ZNF423: variants seen among roughly 807,000 people sequenced by gnomAD.
The protein encoded by ZNF423 is zinc finger protein 423, also known as Ebf-associated zinc finger protein.
A neutral mutation model predicts 95.8 loss-of-function variants in ZNF423; 12 were observed. The observed-to-expected ratio is 0.13, with a 90% CI of 0.08 to 0.20. ZNF423 has a LOEUF of 0.20. Among genes scored for constraint, ZNF423 ranks in the 10% least tolerant of loss-of-function variants. ZNF423 has a pLI of 1.00. For missense variants in ZNF423, 1,316 were observed against 1,737.1 expected (o/e 0.76, Z 4.31); for synonymous variants, 749 against 711.9 (o/e 1.05, Z -0.83).
intron 7 of ZNF423, among the ~76,000 whole-genome samples, chr16:49,493,953 A>G (rs540432275): frequency 6.6e-6 from 1 of 152,298 alleles, no homozygotes; most frequent in South Asian, 2.1e-4. Flanking sequence ...AAAACCAGAC[A>G]TGATATTCGA....
intron 2 of ZNF423, among the ~76,000 whole-genome samples, chr16:49,737,774 C>A (rs1013416742): frequency 6.6e-6 from 1 of 152,236 alleles, no homozygotes; most frequent in Non-Finnish European, 1.5e-5. Context: ...GCCACCAGGG[C>A]CTCACCCTCC....
chr16:49,715,694 A>G (rs1405249852), intron 3 of ZNF423, among the ~76,000 whole-genome samples: 1 of 146,282 alleles, frequency 6.8e-6, no homozygotes, highest in East Asian at 2.1e-4. Context: ...CCAGTGAGCA[A>G]CAATCGTGCC....
At chr16:49,782,229 C>G (rs1259483541) in intron 2 of ZNF423, among the ~76,000 whole-genome samples, 1 of 152,254 alleles carries the variant, frequency 6.6e-6, no homozygotes, top group African/African-American at 2.4e-5. Flanking sequence ...CACTTTCTCA[C>G]CGGCATGTCT....
chr16:49,529,387 C>A (rs1156309996), intron 5 of ZNF423, among the ~76,000 whole-genome samples: 1 of 152,158 alleles, frequency 6.6e-6, no homozygotes, highest in African/African-American at 2.4e-5. Context: ...CCCAAAGTCC[C>A]TGTCTCTCCT....
chr16:49,547,655 G>C (rs1331315677), intron 5 of ZNF423, among the ~76,000 whole-genome samples: 1 of 152,212 alleles, frequency 6.6e-6, no homozygotes, highest in Non-Finnish European at 1.5e-5. Flanking sequence ...TGAAGGCGGA[G>C]GGTGGCACGC....
chr16:49,534,392 T>C (rs1968981517), intron 5 of ZNF423, among the ~76,000 whole-genome samples: 4 of 152,190 alleles, frequency 2.6e-5, no homozygotes, highest in Admixed American at 2.6e-4. Context: ...TAGGTGGGAC[T>C]ACAGGCGCAC....
chr16:49,514,516 G>A lies in ZNF423; in HGVS notation c.3849+9108C>T, dbSNP rs114646446. 2.2e-3 allele frequency among the ~76,000 whole-genome samples: 334 copies of A among 152,282 alleles called. 2 individuals are homozygous for A. Among genetic ancestry groups the A allele is most frequent in the African/African-American group, 7.8e-3 (324 of 41,564 alleles). On this transcript the variant is annotated intron_variant, in intron 7 of 7. Coordinates refer to ENST00000563137, the MANE Select transcript of ZNF423 (RefSeq NM_001379286.1). ...AGGGCTAGGAAGGAAGGGTCCCAAG[G>A]GAGCTGAGATCCCGCCCCTGTCTCA... is the stretch of plus-strand genomic sequence containing the variant.
intron 5 of ZNF423, among the ~76,000 whole-genome samples, chr16:49,583,082 C>T (rs1292235024): frequency 1.3e-5 from 2 of 152,184 alleles, no homozygotes; most frequent in African/African-American, 4.8e-5. Flanking sequence ...GAAGGAAAGG[C>T]CAGCCAAGAA....
In ZNF423 at chr16:49,489,387, T is replaced by C. The variant is rs1372983270; in HGVS notation, c.*1888A>G. ...GCACACTTAGAGGAACACTGGTGTCTACCCTGGGGTCTTCCCCCAAAACTG... is the reference window on the plus strand; with the variant it reads ...GCACACTTAGAGGAACACTGGTGTCCACCCTGGGGTCTTCCCCCAAAACTG... On this transcript the variant is annotated 3_prime_UTR_variant, in exon 8 of 8. Coordinates refer to ENST00000563137, the MANE Select transcript of ZNF423 (RefSeq NM_001379286.1). 1 of 152,248 alleles carries C rather than the reference T, an allele frequency of 6.6e-6. No individual in the cohort carries two copies. The highest frequency in any genetic ancestry group is 1.5e-5 in the Non-Finnish European group (1 of 68,068). 9.4% of individuals were successfully genotyped at this position (152,248 alleles called of 1,614,324 possible).
intron 5 of ZNF423, among the ~76,000 whole-genome samples, chr16:49,556,862 C>T (rs934577302): frequency 3.3e-5 from 5 of 152,224 alleles, no homozygotes; most frequent in Admixed American, 6.5e-5. Context: ...GCACACTTTA[C>T]GGTGAACAGA....
chr16:49,651,213 A>G (rs1398299122), intron 3 of ZNF423, among the ~76,000 whole-genome samples: 1 of 147,230 alleles, frequency 6.8e-6, no homozygotes, highest in Non-Finnish European at 1.5e-5. Context: ...TTTTGTAGAG[A>G]CAGGGTCTCT....
rs756120004 is a variant in ZNF423 at position 49,514,887 on chromosome 16, G to A, written c.3849+8737C>T. 2.0e-5 allele frequency among the ~76,000 whole-genome samples: 3 copies of A among 152,184 alleles called. No homozygotes were observed. In the East Asian group the frequency reaches 5.8e-4, roughly 29 times the overall value. ...TCATCAAGGACATGTGCATGTGTGC[G>A]TGCACACATACACGCGCTGTGAACT... On this transcript the variant is annotated intron_variant, in intron 7 of 7. Transcript: ENST00000563137.
intron 3 of ZNF423, among the ~76,000 whole-genome samples, chr16:49,696,964 T>C (rs952150367): frequency 6.6e-6 from 1 of 152,186 alleles, no homozygotes; most frequent in African/African-American, 2.4e-5. Flanking sequence ...TTCCAAACCC[T>C]CCTTCCTCCC....
intron 7 of ZNF423, chr16:49,518,311 T>C: frequency 7.5e-6 from 3 of 397,992 alleles, no homozygotes; most frequent in Non-Finnish European, 9.8e-6. Context: ...AAGTCTGTCA[T>C]TGATACTGTT....
intron 7 of ZNF423, among the ~76,000 whole-genome samples, chr16:49,522,700 TC>T (rs2151704204): frequency 1.3e-5 from 2 of 152,256 alleles, no homozygotes; most frequent in East Asian, 3.9e-4. Context: ...TGTGCGGTAT[TC>T]CTCAGGGTGG....
At chr16:49,753,879 A>C (rs536454607) in intron 2 of ZNF423, among the ~76,000 whole-genome samples, 3 of 152,240 alleles carry the variant, frequency 2.0e-5, no homozygotes, top group Admixed American at 6.5e-5. Context: ...AAAAGTACAA[A>C]AATTAGCTGG....
intron 1 of ZNF423, among the ~76,000 whole-genome samples, chr16:49,848,756 T>C (rs1039421719): frequency 6.6e-6 from 1 of 152,168 alleles, no homozygotes; most frequent in Non-Finnish European, 1.5e-5. Flanking sequence ...TGGTGGTTCA[T>C]AATAATAACT....
chr16:49,745,481 AAAGAC>A (rs1342223816), intron 2 of ZNF423, among the ~76,000 whole-genome samples: 1 of 152,222 alleles, frequency 6.6e-6, no homozygotes, highest in African/African-American at 2.4e-5. Context: ...GCCCAAACTT[AAAGAC>A]TGCATCTGAT....
intron 7 of ZNF423, among the ~76,000 whole-genome samples, chr16:49,523,420 A>G (rs1188018460): frequency 6.6e-6 from 1 of 152,232 alleles, no homozygotes; most frequent in African/African-American, 2.4e-5. Context: ...GGGCTCAGCC[A>G]GTGGCAGTTG....
Sources: allele counts gnomAD v4.1 joint callset (sites outside exome capture counted in the v4.1 genomes callset), GRCh38; gene constraint gnomAD v4.1.1; transcripts MANE v1.5; gene names NCBI Gene and HGNC (gene_info 2026-07-23, HGNC 2026-07-21).